LPP: variants seen among roughly 807,000 people sequenced by gnomAD.
LPP encodes LIM domain containing preferred translocation partner in lipoma, also known as lipoma-preferred partner.
A neutral mutation model predicts 60.4 loss-of-function variants in LPP; 38 were observed. That is an observed-to-expected ratio of 0.63 (90% confidence interval 0.49 to 0.83). LPP has a LOEUF of 0.83. Ranked by LOEUF, LPP falls within the 40% of genes least tolerant of loss-of-function variation. The pLI is 0.00. For missense variants in LPP, 902 were observed against 783.6 expected, an observed-to-expected ratio of 1.15 and a Z score of -1.80; for synonymous variants, 328 against 290.8, an observed-to-expected ratio of 1.13 and a Z score of -1.30.
At position 188,260,637 on chromosome 3, in the gene LPP, A is replaced by G. The variant is rs150531649; in HGVS notation, c.-67+35110A>G. On this transcript the variant is annotated intron_variant, in intron 2 of 11. Coordinates refer to ENST00000617246, the MANE Select transcript of LPP (RefSeq NM_001375462.1). The stretch of plus-strand genomic sequence containing the variant: ...TAACGATTGAGCACCTTATATTTAC[A>G]CAATGCTTGGTTGTTGTTTTTTAAG... 4.5e-4 allele frequency among the ~76,000 whole-genome samples: 68 copies of G among 152,212 alleles called. 1 individual carries two copies. Among genetic ancestry groups the G allele is most frequent in the African/African-American group, 1.5e-3 (63 of 41,540 alleles).
At chr3:188,414,361 A>G (rs964028276) in intron 4 of LPP, among the ~76,000 whole-genome samples, 1 of 152,194 alleles carries the variant, frequency 6.6e-6, no homozygotes, top group African/African-American at 2.4e-5. Context: ...TTTGGATTTC[A>G]GTATTGTGGA....
chr3:188,317,146 G>A (rs527936053), intron 2 of LPP, among the ~76,000 whole-genome samples: 2 of 152,228 alleles, frequency 1.3e-5, no homozygotes, highest in South Asian at 4.1e-4. Flanking sequence ...TGATGACGAC[G>A]ATGAGTCTTC....
intron 6 of LPP, among the ~76,000 whole-genome samples, chr3:188,576,521 T>C (rs975187476): frequency 2.0e-5 from 3 of 152,168 alleles, no homozygotes; most frequent in Non-Finnish European, 4.4e-5. Context: ...GGCTATTCTG[T>C]GATGCAGGGT....
intron 5 of LPP, among the ~76,000 whole-genome samples, chr3:188,488,679 C>T (rs1228131415): frequency 1.3e-5 from 2 of 152,004 alleles, no homozygotes; most frequent in Non-Finnish European, 2.9e-5. Flanking sequence ...CTCTGTCACC[C>T]AGGCTGGAGT....
intron 6 of LPP, among the ~76,000 whole-genome samples, chr3:188,608,517 G>GTTCTA (rs1348112199): frequency 6.6e-6 from 1 of 151,778 alleles, no homozygotes; most frequent in Non-Finnish European, 1.5e-5. Flanking sequence ...TCTCTGTTCT[G>GTTCTA]TTGGTCTGTA....
intron 7 of LPP, among the ~76,000 whole-genome samples, chr3:188,652,200 T>A (rs1852232099): frequency 6.6e-6 from 1 of 152,162 alleles, no homozygotes; most frequent in Non-Finnish European, 1.5e-5. Context: ...GCCAAGAAAT[T>A]GTTTTTGCCA....
At position 188,770,735 on chromosome 3, in the gene LPP, G is replaced by A. The variant is rs1044171920; in HGVS notation, c.1410+10453G>A. 5.3e-5 allele frequency among the ~76,000 whole-genome samples: 8 copies of A among 152,252 alleles called. No homozygotes were observed. In the South Asian group the frequency reaches 6.2e-4, roughly 12 times the overall value. On this transcript the variant is annotated intron_variant, in intron 9 of 11. Coordinates refer to ENST00000617246, the MANE Select transcript of LPP (RefSeq NM_001375462.1). The stretch of plus-strand genomic sequence containing the variant: ...GATTCTAGATATGAGAGTCTTTTAC[G>A]TAGTGGGGTTGGTATGAGGCAGTAA...
chr3:188,486,900 T>G (rs1411274611), intron 5 of LPP, among the ~76,000 whole-genome samples: 1 of 152,254 alleles, frequency 6.6e-6, no homozygotes, highest in Non-Finnish European at 1.5e-5. Context: ...TTTAGTCATT[T>G]TTTAATAAAA....
chr3:188,228,855 A>G (rs999935302), intron 2 of LPP, among the ~76,000 whole-genome samples: 3 of 152,202 alleles, frequency 2.0e-5, no homozygotes, highest in African/African-American at 7.2e-5. Flanking sequence ...GAGCAAGTGC[A>G]TTGTTAAATG....
At chr3:188,548,260 G>C (rs1827184077) in intron 6 of LPP, among the ~76,000 whole-genome samples, 1 of 152,150 alleles carries the variant, frequency 6.6e-6, no homozygotes, top group Admixed American at 6.5e-5. Context: ...CACTTCTCTT[G>C]TGCCACGGTT....
chr3:188,295,456 T>G (rs1747550642), intron 2 of LPP, among the ~76,000 whole-genome samples: 1 of 152,252 alleles, frequency 6.6e-6, no homozygotes, highest in South Asian at 2.1e-4. Flanking sequence ...TGAAGAGTTT[T>G]GTTCACATTG....
intron 2 of LPP, among the ~76,000 whole-genome samples, chr3:188,281,523 G>A (rs1379618709): frequency 7.2e-6 from 1 of 139,574 alleles, no homozygotes; most frequent in Non-Finnish European, 1.5e-5. Context: ...AGAATCGCTT[G>A]AACCCAGGAG....
intron 1 of LPP, among the ~76,000 whole-genome samples, chr3:188,165,247 G>A (rs760252715): frequency 4.0e-5 from 6 of 151,888 alleles, no homozygotes; most frequent in Non-Finnish European, 7.4e-5. Flanking sequence ...CTGCACTCCA[G>A]CTGGGGTTAC....
chr3:188,637,041 C>T lies in LPP; in HGVS notation c.1113+27197C>T, dbSNP rs549760062. Among the ~76,000 whole-genome samples the T allele has an allele frequency of 5.8e-4, 86 of 149,440 alleles. 2 individuals carry two copies. In the East Asian group the frequency reaches 0.014, roughly 24 times the overall value. On this transcript the variant is annotated intron_variant, in intron 7 of 11. Transcript: ENST00000617246. ...ATAGACATCTGCAGAACTCTCCACCCGAAATCAACAGAATATACATTTTTT... is the reference window on the plus strand; with the variant it reads ...ATAGACATCTGCAGAACTCTCCACCTGAAATCAACAGAATATACATTTTTT...
In LPP at chr3:188,273,589, C is replaced by CTTTTT. The variant is rs11380757; in HGVS notation, c.-67+48081_-67+48085dup. Among the ~76,000 whole-genome samples the CTTTTT allele has an allele frequency of 6.3e-3, 509 of 80,392 alleles. 9 individuals carry two copies. Among genetic ancestry groups the CTTTTT allele is most frequent in the Non-Finnish European group, 7.7e-3 (349 of 45,144 alleles). The allele number at this position is 80,392 out of a possible 152,430, so 52.7% of individuals were successfully genotyped here. A position where few individuals can be genotyped will look rare whatever the true frequency, so the allele number is the denominator to read the frequency against. On this transcript the variant is annotated intron_variant, in intron 2 of 11. Coordinates refer to ENST00000617246, the MANE Select transcript of LPP (RefSeq NM_001375462.1). ...CCACCTTGACTTGGCTATTTTATAT[C>CTTTTT]TTTTTTTTTTTTTTTTTTTTTTTGA...
rs537000529 is a variant in LPP, at chr3:188,292,874, G to A, written c.-66-48789G>A. ...TTTGATGGTTTCTTTTGAGGTCTAC[G>A]TCATCTGGTAATTTTATTGGTGTGA... On this transcript the variant is annotated intron_variant, in intron 2 of 11. Transcript: ENST00000617246. Among the ~76,000 whole-genome samples the A allele has an allele frequency of 4.6e-5, 7 of 152,210 alleles. No individual in the cohort carries two copies. The East Asian group carries it at 5.8e-4, about 13-fold the overall frequency.
intron 9 of LPP, among the ~76,000 whole-genome samples, chr3:188,793,524 C>T (rs947147117): frequency 6.6e-6 from 1 of 152,088 alleles, no homozygotes; most frequent in Non-Finnish European, 1.5e-5. Context: ...CCCACATCAG[C>T]GATCTAACCT....
chr3:188,547,112 A>G (rs1281180957), intron 6 of LPP, among the ~76,000 whole-genome samples: 1 of 152,184 alleles, frequency 6.6e-6, no homozygotes, highest in Non-Finnish European at 1.5e-5. Flanking sequence ...TTTTCAGAGC[A>G]TTTAAGCATA....
At chr3:188,400,329 G>A (rs1781947061) in intron 3 of LPP, among the ~76,000 whole-genome samples, 1 of 152,156 alleles carries the variant, frequency 6.6e-6, no homozygotes, top group African/African-American at 2.4e-5. Flanking sequence ...TTTGCTATTT[G>A]TTAGCTGTAT....
Sources: allele counts gnomAD v4.1 joint callset (sites outside exome capture counted in the v4.1 genomes callset), GRCh38; gene constraint gnomAD v4.1.1; transcripts MANE v1.5; gene names NCBI Gene and HGNC (gene_info 2026-07-23, HGNC 2026-07-21).